Variants in UBE2H observed in about 807,000 individuals in gnomAD.
UBE2H encodes ubiquitin conjugating enzyme E2 H.
Under a neutral mutation model 29.0 loss-of-function variants are expected in UBE2H, and 3 were observed. The ratio of observed to expected loss-of-function variants is 0.10; its 90% CI spans 0.05 to 0.27. The LOEUF is 0.27. UBE2H is among the 10% of genes least tolerant of loss of function. The pLI is 1.00. For synonymous variants in UBE2H, 69 were observed against 82.9 expected, an observed-to-expected ratio of 0.83 and a Z score of 0.91; for missense variants, 68 against 228.2, an observed-to-expected ratio of 0.30 and a Z score of 4.52.
intron 1 of UBE2H, among the ~76,000 whole-genome samples, chr7:129,914,758 G>T (rs1175231243): frequency 1.3e-5 from 2 of 152,106 alleles, no homozygotes; most frequent in Non-Finnish European, 2.9e-5. Flanking sequence ...CCATAATAGA[G>T]AATTTAGTTG....
chr7:129,915,126 T>G (rs2116456393), intron 1 of UBE2H, among the ~76,000 whole-genome samples: 1 of 152,312 alleles, frequency 6.6e-6, no homozygotes, highest in South Asian at 2.1e-4. Context: ...TGAAATTAAC[T>G]TTCACAGCTT....
chr7:129,870,108 G>A (rs143319878), intron 3 of UBE2H, among the ~76,000 whole-genome samples: 46 of 152,068 alleles, frequency 3.0e-4, no homozygotes, highest in African/African-American at 1.1e-3. Flanking sequence ...ACTCCTCCCT[G>A]CACACATACT....
intron 5 of UBE2H, among the ~76,000 whole-genome samples, chr7:129,853,758 G>A (rs1805653788): frequency 6.6e-6 from 1 of 152,174 alleles, no homozygotes; most frequent in Non-Finnish European, 1.5e-5. Context: ...GGTGTGAGGG[G>A]ACAGAGGACT....
chr7:129,940,628 CA>C (rs1486152197), intron 1 of UBE2H, among the ~76,000 whole-genome samples: 1 of 152,120 alleles, frequency 6.6e-6, no homozygotes, highest in Non-Finnish European at 1.5e-5. Context: ...CAGGGAGAGG[CA>C]AAAAGGATCC....
intron 1 of UBE2H, among the ~76,000 whole-genome samples, chr7:129,882,478 A>C (rs1000237718): frequency 1.3e-5 from 2 of 152,238 alleles, no homozygotes; most frequent in African/African-American, 4.8e-5. Flanking sequence ...GAGACACAGA[A>C]CTGACTGCAA....
At chr7:129,926,634 A>G (rs1388445285) in intron 1 of UBE2H, among the ~76,000 whole-genome samples, 1 of 152,146 alleles carries the variant, frequency 6.6e-6, no homozygotes, top group African/African-American at 2.4e-5. Flanking sequence ...AATTATCTCA[A>G]TCATTCTCAT....
At chr7:129,886,766 G>GT (rs1554435105) in intron 1 of UBE2H, among the ~76,000 whole-genome samples, 1,302 of 50,696 alleles carry the variant, frequency 0.026, 33 homozygotes, top group African/African-American at 0.077. Context: ...TTGTTTTTTG[G>GT]TAAAAAAAAA....
intron 5 of UBE2H, among the ~76,000 whole-genome samples, chr7:129,854,060 G>GGTTTTTTTTTTTTTTTTTTATTT (rs1554430936): frequency 2.0e-5 from 2 of 100,312 alleles, no homozygotes; most frequent in Non-Finnish European, 2.0e-5. Flanking sequence ...TTTAGTGTTA[G>GGTTTTTTTTTTTTTTTTTTATTT]TTTTTTTTTT....
At chr7:129,936,475 T>TC (rs1178269682) in intron 1 of UBE2H, among the ~76,000 whole-genome samples, 1 of 150,592 alleles carries the variant, frequency 6.6e-6, no homozygotes, top group East Asian at 2.0e-4. Flanking sequence ...GCGCCTGTAG[T>TC]CCCAGCTACT....
At chr7:129,950,425 GTC>G (rs1357856612) in intron 1 of UBE2H, among the ~76,000 whole-genome samples, 1 of 152,018 alleles carries the variant, frequency 6.6e-6, no homozygotes, top group Admixed American at 6.6e-5. Flanking sequence ...GCTGTTCTTT[GTC>G]TGTTTTCCTC....
chr7:129,910,814 G>C (rs1016918048), intron 1 of UBE2H, among the ~76,000 whole-genome samples: 1 of 152,212 alleles, frequency 6.6e-6, no homozygotes, highest in East Asian at 1.9e-4. Flanking sequence ...CCCGGGAAGC[G>C]GAGGTTGCAG....
intron 1 of UBE2H, among the ~76,000 whole-genome samples, chr7:129,921,626 G>A (rs1807164281): frequency 6.7e-6 from 1 of 148,850 alleles, no homozygotes; most frequent in Non-Finnish European, 1.5e-5. Context: ...TTGAACCTGG[G>A]AGGCAGAGGT....
At chr7:129,846,464 T>C (rs1805514211) in intron 5 of UBE2H, among the ~76,000 whole-genome samples, 1 of 151,914 alleles carries the variant, frequency 6.6e-6, no homozygotes, top group Non-Finnish European at 1.5e-5. Context: ...GGTGAGAGGA[T>C]TGCTCAAGTC....
chr7:129,876,267 T>A (rs1584759448), intron 3 of UBE2H, among the ~76,000 whole-genome samples: 1 of 152,144 alleles, frequency 6.6e-6, no homozygotes, highest in South Asian at 2.1e-4. Flanking sequence ...GCTGCATATC[T>A]CTCTCATGGT....
chr7:129,907,261 G>A (rs1021218003), intron 1 of UBE2H, among the ~76,000 whole-genome samples: 3 of 152,070 alleles, frequency 2.0e-5, no homozygotes, highest in Admixed American at 1.3e-4. Flanking sequence ...TACAAGTTGC[G>A]ATAGTTAAGT....
chr7:129,916,802 G>A (rs1807052998), intron 1 of UBE2H, among the ~76,000 whole-genome samples: 1 of 152,088 alleles, frequency 6.6e-6, no homozygotes, highest in Admixed American at 6.6e-5. Context: ...ACTTTGGGAG[G>A]CCAAGAAGGG....
In UBE2H at chr7:129,838,411, C is replaced by T. The variant is rs79394933; in HGVS notation, c.427+796G>A. Among the ~76,000 whole-genome samples, 1,835 of 152,318 alleles carry T rather than the reference C, an allele frequency of 0.012. 81 individuals are homozygous for T. The East Asian group carries it at 0.14, about 11-fold the overall frequency. ...GCAAATGTACCTCAGAGAGGCCACA[C>T]ATTTTGAGGAAGCAAACATTCTGGA... On this transcript the variant is annotated intron_variant, in intron 6 of 6. Coordinates refer to ENST00000355621, the MANE Select transcript of UBE2H (RefSeq NM_003344.4).
At chr7:129,867,724 C>CAAAAAAAAAAAAAAAAAAAAA (rs1473451530) in intron 3 of UBE2H, among the ~76,000 whole-genome samples, 6 of 31,208 alleles carry the variant, frequency 1.9e-4, no homozygotes, top group Admixed American at 4.3e-4. Context: ...AAAAGAAAAC[C>CAAAAAAAAAAAAAAAAAAAAA]AAAAAAAAAA....
At chr7:129,952,437 G>C (rs936748765) in intron 1 of UBE2H, 66 bp downstream of exon 1, 1 of 1,550,576 alleles carries the variant, frequency 6.4e-7, no homozygotes, top group Admixed American at 1.8e-5. Flanking sequence ...AGTGGTTCCG[G>C]GGGTGCCCTG....
Sources: gnomAD v4.1 joint callset for allele counts (sites outside exome capture counted in the v4.1 genomes callset) on GRCh38, gnomAD v4.1.1 for gene constraint, MANE v1.5 for transcripts, NCBI Gene and HGNC (gene_info 2026-07-23, HGNC 2026-07-21) for gene names.